The following EXOC6B variants were observed in gnomAD, a reference collection of about 807,000 sequenced individuals.
EXOC6B encodes the protein exocyst complex component 6B.
Under a neutral mutation model 113.5 loss-of-function variants are expected in EXOC6B, and 54 were observed. That is an observed-to-expected ratio of 0.48 (90% CI 0.38 to 0.60). The LOEUF is 0.60. Ranked by LOEUF, EXOC6B falls within the 20% of genes least tolerant of loss-of-function variation. The pLI is 0.00. For synonymous variants in EXOC6B, 357 were observed against 339.0 expected (o/e 1.05, Z -0.58); for missense variants, 797 against 977.5 (o/e 0.82, Z 2.46).
At chr2:72,605,676 T>A (rs1224698610) in intron 6 of EXOC6B, among the ~76,000 whole-genome samples, 1 of 152,198 alleles carries the variant, frequency 6.6e-6, no homozygotes, top group Admixed American at 6.5e-5. Flanking sequence ...CACATGTATA[T>A]ACTAAGGACT....
At chr2:72,224,994 G>GTGTATATA (rs908047817) in intron 20 of EXOC6B, among the ~76,000 whole-genome samples, 50 of 137,244 alleles carry the variant, frequency 3.6e-4, no homozygotes, top group South Asian at 6.8e-4. Flanking sequence ...GTGTGTGTGT[G>GTGTATATA]TATATATATA....
intron 19 of EXOC6B, among the ~76,000 whole-genome samples, chr2:72,378,893 G>C (rs1287136908): frequency 6.6e-6 from 1 of 152,142 alleles, no homozygotes; most frequent in African/African-American, 2.4e-5. Context: ...GATTTATGAT[G>C]AGTCAACTAT....
At chr2:72,502,821 T>C (rs1472142957) in intron 11 of EXOC6B, among the ~76,000 whole-genome samples, 1 of 152,138 alleles carries the variant, frequency 6.6e-6, no homozygotes, top group East Asian at 1.9e-4. Context: ...CTCTATTAGA[T>C]ACAACCAAAA....
rs765070391 is a variant in EXOC6B at position 72,733,126 on chromosome 2, G to A, written c.280-8C>T. 1.0e-5 allele frequency: 16 copies of A among 1,579,530 alleles called. No individual in the cohort carries two copies. In the South Asian group the frequency reaches 1.0e-4, roughly 10 times the overall value. ...AGTATCCGTCACTTGATTCTGTGGA[G>A]AGAAGACAATTTAAACTCATAAAAA... On this transcript the variant is annotated splice_polypyrimidine_tract_variant and splice_region_variant and intron_variant, in intron 2 of 21. Coordinates refer to ENST00000272427, the MANE Select transcript of EXOC6B (RefSeq NM_015189.3).
intron 20 of EXOC6B, among the ~76,000 whole-genome samples, chr2:72,211,298 T>C (rs558193770): frequency 5.4e-4 from 82 of 152,344 alleles, no homozygotes; most frequent in African/African-American, 1.8e-3. Context: ...CCTTTTCCAG[T>C]TCTGAAACTT....
chr2:72,701,793 T>C (rs978946754), intron 6 of EXOC6B, among the ~76,000 whole-genome samples: 3 of 152,200 alleles, frequency 2.0e-5, no homozygotes, highest in African/African-American at 4.8e-5. Flanking sequence ...AGCCAGAACA[T>C]ATCTTAACCA....
intron 16 of EXOC6B, among the ~76,000 whole-genome samples, chr2:72,486,637 C>T (rs1187117996): frequency 6.6e-6 from 1 of 152,120 alleles, no homozygotes; most frequent in Non-Finnish European, 1.5e-5. Context: ...ATAATACTTA[C>T]CCAACCACTA....
chr2:72,629,494 A>T (rs1197953304), intron 6 of EXOC6B, among the ~76,000 whole-genome samples: 2 of 152,194 alleles, frequency 1.3e-5, no homozygotes, highest in East Asian at 3.9e-4. Context: ...TGTTTCTGTT[A>T]TTTATCATAT....
chr2:72,439,827 G>C (rs924766589), intron 18 of EXOC6B, among the ~76,000 whole-genome samples: 1 of 152,104 alleles, frequency 6.6e-6, no homozygotes, highest in Non-Finnish European at 1.5e-5. Context: ...TCAGTGTCTT[G>C]CACTGATTCT....
intron 1 of EXOC6B, among the ~76,000 whole-genome samples, chr2:72,796,958 C>T (rs1416534710): frequency 6.6e-6 from 1 of 152,192 alleles, no homozygotes; most frequent in Non-Finnish European, 1.5e-5. Context: ...CCCAAAAAGG[C>T]AGAGTTAATG....
At position 72,444,600 on chromosome 2, in the gene EXOC6B, G is replaced by A. The variant is rs1270160915; in HGVS notation, c.1980+20560C>T. On this transcript the variant is annotated intron_variant, in intron 18 of 21. Coordinates refer to ENST00000272427, the MANE Select transcript of EXOC6B (RefSeq NM_015189.3). Reference sequence around the variant, plus strand: ...ATTTCTATACATCCTCTGATATCTAGGCAGAAGTTCCCAAACCTCAATTAT... The same window carrying A: ...ATTTCTATACATCCTCTGATATCTAAGCAGAAGTTCCCAAACCTCAATTAT... Among the ~76,000 whole-genome samples the A allele has an allele frequency of 7.9e-5, 12 of 152,322 alleles. No individual in the cohort carries two copies. The South Asian group carries it at 2.3e-3, about 29-fold the overall frequency.
intron 20 of EXOC6B, among the ~76,000 whole-genome samples, chr2:72,330,686 A>G (rs1448841258): frequency 6.6e-6 from 1 of 151,962 alleles, no homozygotes; most frequent in Non-Finnish European, 1.5e-5. Context: ...TGCATTGTTT[A>G]TATATGTCTT....
In EXOC6B at chr2:72,401,570, TATATATATATAC is replaced by T. The variant is rs1325402093; in HGVS notation, c.1981-21712_1981-21701del. 1.7e-4 allele frequency among the ~76,000 whole-genome samples: 5 copies of T among 29,890 alleles called. 1 individual carries two copies. The highest frequency in any genetic ancestry group is 1.5e-3 in the South Asian group (2 of 1,300). The allele number at this position is 29,890 out of a possible 152,430, so 19.6% of individuals were successfully genotyped here. On this transcript the variant is annotated intron_variant, in intron 18 of 21. Transcript: ENST00000272427. Reference sequence around the variant, plus strand: ...GTGTATATATATATATATATACATATATATATATATACATATATATATATATATATATGTGTA... The same window carrying T: ...GTGTATATATATATATATATACATATATATATATATATATATATATGTGTA...
Position 72,676,402 on chromosome 2 carries a change from T to A in EXOC6B, c.669+41701A>T, listed in dbSNP as rs150149149. Among the ~76,000 whole-genome samples the A allele has an allele frequency of 9.7e-3, 1,484 of 152,332 alleles. 38 individuals are homozygous for A. The highest frequency in any genetic ancestry group is 0.034 in the African/African-American group (1,430 of 41,584). Reference sequence around the variant, plus strand: ...ATGTTGTAAACACTATCAGTCATGTTCCAGAGAACAATTTAAACAAACATT... The same window carrying A: ...ATGTTGTAAACACTATCAGTCATGTACCAGAGAACAATTTAAACAAACATT... On this transcript the variant is annotated intron_variant, in intron 6 of 21. Coordinates refer to ENST00000272427, the MANE Select transcript of EXOC6B (RefSeq NM_015189.3).
At chr2:72,778,087 T>A (rs948625455) in intron 1 of EXOC6B, among the ~76,000 whole-genome samples, 11 of 152,130 alleles carry the variant, frequency 7.2e-5, no homozygotes, top group Non-Finnish European at 1.5e-4. Flanking sequence ...TCATTCCTTA[T>A]CAGTAATTAC....
intron 20 of EXOC6B, among the ~76,000 whole-genome samples, chr2:72,270,289 G>A (rs1199084911): frequency 6.6e-6 from 1 of 152,100 alleles, no homozygotes; most frequent in Non-Finnish European, 1.5e-5. Flanking sequence ...TAAGAAGCCT[G>A]GAAGGAGTAG....
At chr2:72,805,942 T>C (rs979145448) in intron 1 of EXOC6B, among the ~76,000 whole-genome samples, 1 of 152,232 alleles carries the variant, frequency 6.6e-6, no homozygotes, top group Non-Finnish European at 1.5e-5. Context: ...TTCATCCATG[T>C]TGTCACAAAT....
chr2:72,485,490 T>C (rs1162787077), intron 16 of EXOC6B, among the ~76,000 whole-genome samples: 1 of 152,144 alleles, frequency 6.6e-6, no homozygotes, highest in Non-Finnish European at 1.5e-5. Flanking sequence ...AAATGAGCTA[T>C]CACATAGACT....
At chr2:72,548,803 T>C (rs561730791) in intron 8 of EXOC6B, among the ~76,000 whole-genome samples, 14 of 152,262 alleles carry the variant, frequency 9.2e-5, no homozygotes, top group African/African-American at 2.6e-4. Flanking sequence ...TATGATGATA[T>C]AATAAAGTTA....
Sources: gnomAD v4.1 joint callset for allele counts (sites outside exome capture counted in the v4.1 genomes callset) on GRCh38, gnomAD v4.1.1 for gene constraint, MANE v1.5 for transcripts, NCBI Gene and HGNC (gene_info 2026-07-23, HGNC 2026-07-21) for gene names.